The following SVEP1 variants were observed in gnomAD, a reference collection of about 807,000 sequenced individuals.
SVEP1 encodes the protein sushi, von Willebrand factor type A, EGF and pentraxin domain containing 1.
SVEP1 carries 164 observed loss-of-function variants against 367.3 expected under a neutral mutation model. The observed-to-expected ratio is 0.45, with a 90% CI of 0.39 to 0.51. The LOEUF (loss-of-function observed/expected upper bound fraction) is 0.51, where lower values mean the gene tolerates loss of function less well. Ranked by LOEUF, SVEP1 falls within the 20% of genes least tolerant of loss-of-function variation. The pLI is 0.00. For missense variants in SVEP1, 4,117 were observed against 4,425.3 expected (o/e 0.93, Z 1.98); for synonymous variants, 1,666 against 1,611.6 (o/e 1.03, Z -0.81).
chr9:110,437,303 G>A (rs1588052895), intron 27 of SVEP1, among the ~76,000 whole-genome samples: 1 of 152,188 alleles, frequency 6.6e-6, no homozygotes, highest in Non-Finnish European at 1.5e-5. Context: ...CAGCACTACA[G>A]GTTCCTAAAT....
At chr9:110,464,091 T>A (rs1461555624) in intron 18 of SVEP1, among the ~76,000 whole-genome samples, 1 of 152,168 alleles carries the variant, frequency 6.6e-6, no homozygotes, top group Non-Finnish European at 1.5e-5. Context: ...GCTTTTGTGG[T>A]TGGAGGAAGT....
chr9:110,436,411 T>A lies in SVEP1; in HGVS notation c.4733A>T (p.Asn1578Ile). 1 of 1,613,902 alleles carries A rather than the reference T, an allele frequency of 6.2e-7. No homozygotes were observed. Among genetic ancestry groups the A allele is most frequent in the Non-Finnish European group, 8.5e-7 (1 of 1,179,862 alleles). Residue 1578 changes from asparagine (N) to isoleucine (I), a missense_variant, in exon 28 of 48, where the codon AAC (asparagine) becomes ATC (isoleucine). Coordinates refer to ENST00000374469, the MANE Select transcript of SVEP1 (RefSeq NM_153366.4). The part of the protein sequence containing the change: ...ESFVGSISQL[N>I]LWDYVLSPQQ... ...TGGAGACAGGACATAGTCCCAGAGG[T>A]TGAGCTGGCTTATGGAGCCCACAAA...
intron 5 of SVEP1, among the ~76,000 whole-genome samples, chr9:110,508,918 A>G (rs1829668748): frequency 1.3e-5 from 2 of 152,348 alleles, no homozygotes; most frequent in African/African-American, 4.8e-5. Context: ...ATGTAACATG[A>G]TATTTGTAAA....
chr9:110,472,291 C>G lies in SVEP1; in HGVS notation c.2632G>C (p.Asp878His), dbSNP rs766644051. 6.2e-7 allele frequency: 1 copy of G among 1,607,070 alleles called. No individual in the cohort carries two copies. Among genetic ancestry groups the G allele is most frequent in the African/African-American group, 1.3e-5 (1 of 74,596 alleles). The change falls in exon 15 of 48, where the codon GAT becomes CAT. Residue 878 changes from aspartate to histidine, a missense_variant. Asp to His is a moderately conservative substitution (Grantham distance 81). This residue lies in a region of SVEP1 where 2,174 missense variants were observed against 2,494.3 expected (regional missense o/e 0.87). Transcript: ENST00000374469. ...PGGWGAANRLDYSYDDFLDTV... is the reference protein window; with the variant it reads ...PGGWGAANRLHYSYDDFLDTV... The stretch of plus-strand genomic sequence containing the variant: ...TCCAGGAAGTCATCGTAAGAGTAAT[C>G]CAGCCTATTAGCTGCACCCCAGCCA...
rs776858444 is a variant in SVEP1, at chr9:110,466,022, C to G, written c.3165G>C (p.Gln1055His). The G allele has an allele frequency of 1.2e-5, 19 of 1,611,544 alleles. No homozygotes were observed. The highest frequency in any genetic ancestry group is 1.6e-5 in the Non-Finnish European group (19 of 1,178,224). ...TGTATGAGTAGGTGCCTTGTTTACA[C>G]TGAGCTGAAAAGAAAAAGGTAATAT... ...HSRNISDCKAQCKQGTYSYSG... is the reference protein window; with the variant it reads ...HSRNISDCKAHCKQGTYSYSG... The change falls in exon 18 of 48, where the codon CAG becomes CAC. Residue 1055 changes from glutamine to histidine, a missense_variant. Physicochemically the swap from Gln to His is conservative, Grantham distance 24. Transcript: ENST00000374469.
intron 3 of SVEP1, among the ~76,000 whole-genome samples, chr9:110,532,760 T>A (rs780621223): frequency 1.5e-4 from 23 of 152,088 alleles, no homozygotes; most frequent in Non-Finnish European, 2.6e-4. Flanking sequence ...CACTGTGGGA[T>A]GTCTAGCAGC....
chr9:110,378,440 A>G (rs1827385109), intron 44 of SVEP1, among the ~76,000 whole-genome samples: 1 of 152,118 alleles, frequency 6.6e-6, no homozygotes, highest in Non-Finnish European at 1.5e-5. Flanking sequence ...CAGTTATTAA[A>G]GTCCAAATCT....
At position 110,411,294 on chromosome 9, in the gene SVEP1, G is replaced by C; in HGVS notation, c.6417C>G (p.Ile2139Met). The change falls in exon 37 of 48, where the codon ATC becomes ATG. Residue 2139 changes from isoleucine (I) to methionine (M), a missense_variant. Physicochemically the swap from Ile to Met is conservative, Grantham distance 10. Coordinates refer to ENST00000374469, the MANE Select transcript of SVEP1 (RefSeq NM_153366.4). ...GGQWNPSPMS[I>M]QCIPVRCGEP... ...CTCCACACCGCACAGGGATGCACTG[G>C]ATGGACATGGGGGAAGGGTTCCACT... 2 of 1,614,026 alleles carry C rather than the reference G, an allele frequency of 1.2e-6. No individual in the cohort carries two copies. Among genetic ancestry groups the C allele is most frequent in the Non-Finnish European group, 1.7e-6 (2 of 1,179,902 alleles).
chr9:110,387,723 T>A (rs987125346), intron 41 of SVEP1, among the ~76,000 whole-genome samples: 2 of 152,246 alleles, frequency 1.3e-5, no homozygotes, highest in Admixed American at 1.3e-4. Flanking sequence ...ACAGGGAGTA[T>A]GGATGAGCAG....
In SVEP1 at chr9:110,579,440, A is replaced by G; in HGVS notation, c.104T>C (p.Phe35Ser). 6.3e-7 allele frequency: 1 copy of G among 1,593,838 alleles called. No homozygotes were observed. The highest frequency in any genetic ancestry group is 8.5e-7 in the Non-Finnish European group (1 of 1,171,336). ...GGGGGCCCCGGGCGCGGTCTCGGGG[A>G]AGAGGCGGAAGCTGAAATTGCGCGA... Reference protein sequence around the residue: ...SPSRNFSFRLFPETAPGAPGS... With the variant: ...SPSRNFSFRLSPETAPGAPGS... The change falls in exon 1 of 48, where the codon TTC becomes TCC. Residue 35 changes from phenylalanine (F) to serine (S), a missense_variant. Coordinates refer to ENST00000374469, the MANE Select transcript of SVEP1 (RefSeq NM_153366.4). The surrounding 1 kb of genome is among the most constrained non-coding windows in gnomAD (Gnocchi z 5.3).
At chr9:110,550,157 G>T in intron 1 of SVEP1, 53 bp from the exon 2 acceptor site, 1 of 1,599,152 alleles carries the variant, frequency 6.3e-7, no homozygotes, top group Non-Finnish European at 8.5e-7. Flanking sequence ...TGCCTACTGT[G>T]TGCTTCTCTT....
At chr9:110,533,176 C>G (rs1444001279) in intron 3 of SVEP1, among the ~76,000 whole-genome samples, 1 of 152,170 alleles carries the variant, frequency 6.6e-6, no homozygotes, top group East Asian at 1.9e-4. Flanking sequence ...CTGTTCCTAA[C>G]AGGCCACAGA....
At chr9:110,423,549 G>T (rs1443200867) in intron 36 of SVEP1, among the ~76,000 whole-genome samples, 3 of 152,112 alleles carry the variant, frequency 2.0e-5, no homozygotes, top group Non-Finnish European at 4.4e-5. Flanking sequence ...AAGTCTTCAA[G>T]TTGTTCAGGA....
At chr9:110,428,112 C>T (rs535080731) in intron 35 of SVEP1, among the ~76,000 whole-genome samples, 1 of 152,196 alleles carries the variant, frequency 6.6e-6, no homozygotes, top group African/African-American at 2.4e-5. Flanking sequence ...GGAAGAAAGA[C>T]ACTCACCTAA....
intron 5 of SVEP1, among the ~76,000 whole-genome samples, chr9:110,506,633 T>C (rs1342988005): frequency 6.6e-6 from 1 of 152,190 alleles, no homozygotes; most frequent in Non-Finnish European, 1.5e-5. Flanking sequence ...ATCTATCATC[T>C]TCCGTAGTCT....
At chr9:110,397,523 A>G (rs371535454) in intron 40 of SVEP1, among the ~76,000 whole-genome samples, 10,776 of 151,954 alleles carry the variant, frequency 0.071, 671 homozygotes, top group African/African-American at 0.17. Flanking sequence ...GAAATAAAGG[A>G]TATTCAATTA....
chr9:110,546,618 C>T (rs921936970), intron 2 of SVEP1, among the ~76,000 whole-genome samples: 8 of 152,094 alleles, frequency 5.3e-5, no homozygotes, highest in African/African-American at 1.2e-4. Context: ...CAGGTCATTC[C>T]CCTGGCTTCC....
At chr9:110,382,344 G>C (rs1827451143) in intron 43 of SVEP1, among the ~76,000 whole-genome samples, 3 of 152,102 alleles carry the variant, frequency 2.0e-5, no homozygotes, top group African/African-American at 7.2e-5. Flanking sequence ...ATGAAACTTA[G>C]TTTGGCTGGC....
At chr9:110,562,895 T>C (rs1051567683) in intron 1 of SVEP1, among the ~76,000 whole-genome samples, 6 of 152,150 alleles carry the variant, frequency 3.9e-5, no homozygotes, top group Non-Finnish European at 7.4e-5. Context: ...TTTCATCATG[T>C]AGGCCACGCT....
Sources: gnomAD v4.1 joint callset for allele counts (sites outside exome capture counted in the v4.1 genomes callset) on GRCh38, gnomAD v4.1.1 for gene constraint, gnomAD v4.1.1 regional missense constraint, Gnocchi (gnomAD v3.1) non-coding constraint, MANE v1.5 for transcripts, NCBI Gene and HGNC (gene_info 2026-07-23, HGNC 2026-07-21) for gene names.